The following PAWR variants were observed in gnomAD, a reference collection of about 807,000 sequenced individuals.
The protein encoded by PAWR is PRKC apoptosis WT1 regulator protein.
PAWR carries 23 observed loss-of-function variants against 32.0 expected under a neutral mutation model. The ratio of observed to expected loss-of-function variants is 0.72; its 90% CI spans 0.52 to 1.02. The LOEUF (loss-of-function observed/expected upper bound fraction) is 1.02. PAWR is among the 50% of genes least tolerant of loss of function. The probability of loss-of-function intolerance (pLI) is 0.00; values close to 1 mark genes in which losing one functional copy is unlikely to be tolerated. For missense variants in PAWR, 457 were observed against 437.7 expected, an observed-to-expected ratio of 1.04 and a Z score of -0.39; for synonymous variants, 226 against 187.1, an observed-to-expected ratio of 1.21 and a Z score of -1.70.
chr12:79,594,279 C>A, intron 6 of PAWR, 50 bp downstream of exon 6: 1 of 674,448 alleles, frequency 1.5e-6, no homozygotes, highest in Non-Finnish European at 2.6e-6. Context: ...TATTTTCATC[C>A]AATTGCCAAA....
chr12:79,599,558 G>C (rs1236742374), intron 4 of PAWR, among the ~76,000 whole-genome samples: 2 of 152,210 alleles, frequency 1.3e-5, no homozygotes, highest in Non-Finnish European at 2.9e-5. Context: ...CCCTTTGCAA[G>C]TGTTATATAG....
rs561406915 is a variant in PAWR, at chr12:79,599,308, A to G, written c.684-2650T>C. Among the ~76,000 whole-genome samples the G allele has an allele frequency of 2.3e-3, 352 of 152,354 alleles. 1 individual carries two copies. Among genetic ancestry groups the G allele is most frequent in the Non-Finnish European group, 3.4e-3 (231 of 68,038 alleles). On this transcript the variant is annotated intron_variant, in intron 4 of 6. Transcript: ENST00000328827. ...TTTTTAGAAACCTCAAATGTAATGA[A>G]TTAGTGTTTAATAATAAATTCACAC...
intron 2 of PAWR, 39 bp downstream of exon 2, chr12:79,689,690 G>T (rs1458537233): frequency 1.3e-6 from 2 of 1,525,558 alleles, no homozygotes; most frequent in Non-Finnish European, 8.8e-7. Context: ...GCAGCTGCCC[G>T]CCCCGGCCCG....
intron 2 of PAWR, among the ~76,000 whole-genome samples, chr12:79,642,377 T>C (rs1876367919): frequency 6.6e-6 from 1 of 152,142 alleles, no homozygotes; most frequent in Non-Finnish European, 1.5e-5. Context: ...AGGTCAGATG[T>C]ATTACTAAAT....
chr12:79,594,462 T>G (rs750743186), intron 5 of PAWR, 29 bp from the exon 6 acceptor site: 1 of 1,035,820 alleles, frequency 9.7e-7, no homozygotes, highest in Admixed American at 2.1e-5. Flanking sequence ...AACCAGTAAT[T>G]AGGAAGTAAT....
At position 79,586,883 on chromosome 12, in the gene PAWR, A is replaced by G. The variant is rs1009850258; in HGVS notation, c.*5724T>C. On this transcript the variant is annotated 3_prime_UTR_variant, in exon 7 of 7. Transcript: ENST00000328827. ...TCAGAATAAAATGAATGGACTGTAA[A>G]GGATCTTATAACCAGTCTCTCTCTT... 3.3e-5 allele frequency: 5 copies of G among 152,168 alleles called. No individual in the cohort carries two copies. The highest frequency in any genetic ancestry group is 5.9e-5 in the Non-Finnish European group (4 of 68,002). 9.4% of individuals were successfully genotyped at this position (152,168 alleles called of 1,614,324 possible).
Position 79,632,312 on chromosome 12 carries a change from C to CATATATATATAT in PAWR, c.517-11117_517-11106dup, listed in dbSNP as rs71091677. 6 of 11,602 alleles carry CATATATATATAT rather than the reference C, an allele frequency of 5.2e-4. 2 individuals carry two copies. Among genetic ancestry groups the CATATATATATAT allele is most frequent in the Non-Finnish European group, 7.4e-4 (6 of 8,110 alleles). 0.7% of individuals were successfully genotyped at this position (11,602 alleles called of 1,614,324 possible). Reference sequence around the variant, plus strand: ...AAATATATACATATATATATACATACATATATATATATATATATATATATA... The same window carrying CATATATATATAT: ...AAATATATACATATATATATACATACATATATATATATATATATATATATATATATATATATA... On this transcript the variant is annotated intron_variant, in intron 2 of 6. Transcript: ENST00000328827.
chr12:79,589,580 C>T lies in PAWR; in HGVS notation c.*3027G>A, dbSNP rs1323182026. On this transcript the variant is annotated 3_prime_UTR_variant, in exon 7 of 7. Coordinates refer to ENST00000328827, the MANE Select transcript of PAWR (RefSeq NM_002583.4). Reference sequence around the variant, plus strand: ...CTAATCTACTATATTTAGTAAATCCCTTAGTACCTATAAATACACACCCAA... The same window carrying T: ...CTAATCTACTATATTTAGTAAATCCTTTAGTACCTATAAATACACACCCAA... 1.3e-5 allele frequency: 2 copies of T among 152,012 alleles called. No homozygotes were observed. Among genetic ancestry groups the T allele is most frequent in the Non-Finnish European group, 2.9e-5 (2 of 67,976 alleles). The allele number at this position is 152,012 out of a possible 1,614,324, so 9.4% of individuals were successfully genotyped here.
chr12:79,622,047 C>A (rs1163506511), intron 2 of PAWR, among the ~76,000 whole-genome samples: 1 of 151,912 alleles, frequency 6.6e-6, no homozygotes, highest in African/African-American at 2.4e-5. Context: ...AAAAAAACCA[C>A]ACACCTCTTT....
chr12:79,645,058 A>AC (rs1433606135), intron 2 of PAWR, among the ~76,000 whole-genome samples: 2 of 151,714 alleles, frequency 1.3e-5, no homozygotes, highest in Non-Finnish European at 2.9e-5. Context: ...ACACACACAC[A>AC]CACACACACA....
At chr12:79,670,804 C>T (rs933707441) in intron 2 of PAWR, among the ~76,000 whole-genome samples, 2 of 151,206 alleles carry the variant, frequency 1.3e-5, no homozygotes, top group East Asian at 3.9e-4. Context: ...TAAAGCAAAA[C>T]CTTAGAAGAA....
intron 4 of PAWR, chr12:79,604,794 A>ACT (rs1874104446): frequency 1.6e-6 from 1 of 620,296 alleles, no homozygotes; most frequent in African/African-American, 2.0e-5. Context: ...ATTATATTAA[A>ACT]CTCTCATAAC....
chr12:79,690,223 T>C lies in PAWR; in HGVS notation c.22A>G (p.Thr8Ala). Reference protein sequence around the residue: MATGGYRTSSGLGGSTTD... With the variant: MATGGYRASSGLGGSTTD... ...GTGCTGCCGCCGAGGCCGCTGCTGG[T>C]CCGGTAGCCACCGGTCGCCATATTC... is the stretch of plus-strand genomic sequence containing the variant. The change falls in exon 2 of 7, where the codon ACC becomes GCC. Residue 8 changes from threonine to alanine, a missense_variant. Physicochemically the swap from Thr to Ala is moderately conservative, Grantham distance 58 (BLOSUM62 0). Transcript: ENST00000328827. The C allele has an allele frequency of 6.6e-7, 1 of 1,521,264 alleles. No homozygotes were observed. Among genetic ancestry groups the C allele is most frequent in the Non-Finnish European group, 8.8e-7 (1 of 1,139,050 alleles). 94.2% of individuals were successfully genotyped at this position (1,521,264 alleles called of 1,614,324 possible).
At chr12:79,677,345 A>T (rs1878219709) in intron 2 of PAWR, among the ~76,000 whole-genome samples, 1 of 152,210 alleles carries the variant, frequency 6.6e-6, no homozygotes, top group African/African-American at 2.4e-5. Flanking sequence ...GTATTCCAAA[A>T]ATATAAAGTA....
At chr12:79,636,567 T>C (rs1045868122) in intron 2 of PAWR, among the ~76,000 whole-genome samples, 2 of 152,136 alleles carry the variant, frequency 1.3e-5, no homozygotes, top group Non-Finnish European at 2.9e-5. Context: ...GCCAAAGTTT[T>C]GATACTTTGA....
intron 2 of PAWR, among the ~76,000 whole-genome samples, chr12:79,687,701 G>A (rs1280664974): frequency 6.6e-6 from 1 of 152,040 alleles, no homozygotes; most frequent in Non-Finnish European, 1.5e-5. Context: ...ACTACCAGGA[G>A]AAATGGCACA....
intron 3 of PAWR, among the ~76,000 whole-genome samples, chr12:79,614,964 G>C (rs1874657154): frequency 6.6e-6 from 1 of 152,194 alleles, no homozygotes; most frequent in Non-Finnish European, 1.5e-5. Flanking sequence ...TGGAATAACA[G>C]TGCCTATTTT....
chr12:79,616,974 A>G (rs1256427985), intron 3 of PAWR, among the ~76,000 whole-genome samples: 1 of 152,226 alleles, frequency 6.6e-6, no homozygotes, highest in African/African-American at 2.4e-5. Context: ...AAGCACACAG[A>G]CGACACGAGT....
At chr12:79,639,831 T>TCCATTC (rs1274687544) in intron 2 of PAWR, among the ~76,000 whole-genome samples, 1 of 126,430 alleles carries the variant, frequency 7.9e-6, no homozygotes, top group African/African-American at 3.9e-5. Context: ...CTTTTCCTTT[T>TCCATTC]CCATTCCTAT....
Sources: gnomAD v4.1 joint callset for allele counts (sites outside exome capture counted in the v4.1 genomes callset) on GRCh38, gnomAD v4.1.1 for gene constraint, MANE v1.5 for transcripts, NCBI Gene and HGNC (gene_info 2026-07-23, HGNC 2026-07-21) for gene names.